Variants in CSMD1 observed in about 807,000 individuals in gnomAD.
The protein encoded by CSMD1 is CUB and sushi domain-containing protein 1.
In CSMD1, 213 loss-of-function variants were observed where a neutral mutation model predicts 417.5. That is an observed-to-expected ratio of 0.51 (90% CI 0.46 to 0.57). The LOEUF (loss-of-function observed/expected upper bound fraction) is 0.57. CSMD1 is among the 20% of genes least tolerant of loss of function. The pLI is 0.00. For missense variants in CSMD1, 6,923 were observed against 4,529.7 expected (o/e 1.53, Z -15.17); for synonymous variants, 2,862 against 1,736.8 (o/e 1.65, Z -16.11).
chr8:3,139,863 T>C (rs528452225), intron 41 of CSMD1, among the ~76,000 whole-genome samples: 53 of 151,852 alleles, frequency 3.5e-4, no homozygotes, highest in African/African-American at 1.3e-3. Context: ...GAGCATAGGA[T>C]AGATTACCGT....
intron 3 of CSMD1, among the ~76,000 whole-genome samples, chr8:4,310,348 T>C (rs1398920921): frequency 6.6e-6 from 1 of 152,176 alleles, no homozygotes; most frequent in East Asian, 1.9e-4. Context: ...TGAATGGGTA[T>C]CTTGGTCAAA....
At chr8:4,331,563 C>G (rs1287474900) in intron 3 of CSMD1, among the ~76,000 whole-genome samples, 1 of 152,136 alleles carries the variant, frequency 6.6e-6, no homozygotes, top group Non-Finnish European at 1.5e-5. Flanking sequence ...ATTAAATCCA[C>G]AGCTGGGAGA....
In CSMD1 at chr8:4,032,067, C is replaced by G; in HGVS notation, c.448G>C (p.Glu150Gln). 1 of 1,613,206 alleles carries G rather than the reference C, an allele frequency of 6.2e-7. No homozygotes were observed. Among genetic ancestry groups the G allele is most frequent in the Middle Eastern group, 1.7e-4 (1 of 6,058 alleles). The change falls in exon 4 of 70, where the codon GAA becomes CAA. Residue 150 changes from glutamate (E) to glutamine (Q), a missense_variant. Coordinates refer to ENST00000635120, the MANE Select transcript of CSMD1 (RefSeq NM_033225.6). The part of the protein sequence containing the change: ...LPSHTCGNPG[E>Q]ILKGVLHGTR... ...CCATGCAGAACTCCTTTCAGGATTT[C>G]TCCAGGATTTCCACAAGTGTGGCTA... is the stretch of plus-strand genomic sequence containing the variant.
chr8:3,006,096 G>A (rs1211310065), intron 52 of CSMD1, among the ~76,000 whole-genome samples: 20 of 150,846 alleles, frequency 1.3e-4, no homozygotes, highest in African/African-American at 2.7e-4. Context: ...AAATCAATGT[G>A]CAAAAATCAC....
intron 12 of CSMD1, among the ~76,000 whole-genome samples, chr8:3,418,716 C>G (rs1250411455): frequency 1.3e-5 from 2 of 152,140 alleles, no homozygotes; most frequent in Non-Finnish European, 2.9e-5. Flanking sequence ...ATTAACATCA[C>G]AGGACATCTC....
At chr8:4,137,059 A>G (rs1036599741) in intron 3 of CSMD1, among the ~76,000 whole-genome samples, 1 of 152,200 alleles carries the variant, frequency 6.6e-6, no homozygotes, top group Non-Finnish European at 1.5e-5. Context: ...TTCGGGCTCT[A>G]ACTTCCTTTG....
chr8:4,040,544 G>A (rs998666838), intron 3 of CSMD1, among the ~76,000 whole-genome samples: 2 of 152,188 alleles, frequency 1.3e-5, no homozygotes, highest in African/African-American at 4.8e-5. Context: ...TGATGATAAA[G>A]TGTGATTAGA....
chr8:3,003,643 G>A (rs146106707), intron 52 of CSMD1, among the ~76,000 whole-genome samples: 198 of 152,280 alleles, frequency 1.3e-3, no homozygotes, highest in Middle Eastern at 3.4e-3. Context: ...ATTAAACAAG[G>A]AATAAGACAC....
chr8:4,943,627 T>C (rs11997499), intron 1 of CSMD1, among the ~76,000 whole-genome samples: 77,865 of 151,936 alleles, frequency 0.51, 21,244 homozygotes, highest in East Asian at 0.79. Flanking sequence ...GAAAAGGGTG[T>C]GATGATTTAT....
chr8:4,420,005 C>G lies in CSMD1; in HGVS notation c.363G>C (p.Trp121Cys). 6.3e-7 allele frequency: 1 copy of G among 1,589,010 alleles called. No homozygotes were observed. The highest frequency in any genetic ancestry group is 2.3e-5 in the East Asian group (1 of 43,878). The change falls in exon 3 of 70, where the codon TGG (tryptophan) becomes TGC (cysteine). Residue 121 changes from tryptophan to cysteine, a missense_variant. Trp to Cys is a radical substitution (Grantham distance 215). Coordinates refer to ENST00000635120, the MANE Select transcript of CSMD1 (RefSeq NM_033225.6). ...CACTCACAGCGAAGTCTGTCGTGAA[C>G]CACAGAGTGAGGATAGATCCTGTAC... ...IVSTGSILTLWFTTDFAVSAQ... is the reference protein window; with the variant it reads ...IVSTGSILTLCFTTDFAVSAQ...
At chr8:4,934,763 ATAC>A (rs1807494969) in intron 1 of CSMD1, among the ~76,000 whole-genome samples, 1 of 152,118 alleles carries the variant, frequency 6.6e-6, no homozygotes, top group Non-Finnish European at 1.5e-5. Context: ...CTACCTACCT[ATAC>A]TATAGGTATC....
chr8:3,032,954 T>G (rs1379697707), intron 50 of CSMD1, among the ~76,000 whole-genome samples: 1 of 152,122 alleles, frequency 6.6e-6, no homozygotes, highest in East Asian at 1.9e-4. Context: ...ATGGTAAAAG[T>G]GCCATTAAAT....
chr8:3,785,829 T>G (rs1584995202), intron 5 of CSMD1, among the ~76,000 whole-genome samples: 1 of 152,318 alleles, frequency 6.6e-6, no homozygotes, highest in South Asian at 2.1e-4. Context: ...AGCTTCTTCC[T>G]TATTCCTGAG....
intron 3 of CSMD1, among the ~76,000 whole-genome samples, chr8:4,041,766 T>G (rs1940214349): frequency 6.6e-6 from 1 of 152,136 alleles, no homozygotes; most frequent in Non-Finnish European, 1.5e-5. Flanking sequence ...ATGGAACATG[T>G]TGTCTTGAGA....
At chr8:4,136,347 A>G (rs1221428543) in intron 3 of CSMD1, among the ~76,000 whole-genome samples, 1 of 152,208 alleles carries the variant, frequency 6.6e-6, no homozygotes, top group Non-Finnish European at 1.5e-5. Flanking sequence ...ATAATAAAAT[A>G]TTCATCGCTG....
At chr8:3,789,277 G>T (rs563182080) in intron 5 of CSMD1, among the ~76,000 whole-genome samples, 4 of 151,884 alleles carry the variant, frequency 2.6e-5, no homozygotes, top group South Asian at 2.1e-4. Flanking sequence ...CTCCTGAACT[G>T]TTGTTTTCAA....
intron 5 of CSMD1, among the ~76,000 whole-genome samples, chr8:3,889,869 C>A (rs138381523): frequency 6.6e-6 from 1 of 152,072 alleles, no homozygotes; most frequent in African/African-American, 2.4e-5. Flanking sequence ...TACCAAAGGT[C>A]AAAGGCACTG....
chr8:3,844,222 G>C (rs767926923), intron 5 of CSMD1, among the ~76,000 whole-genome samples: 11 of 152,046 alleles, frequency 7.2e-5, no homozygotes, highest in African/African-American at 9.7e-5. Flanking sequence ...AATGAGTCTG[G>C]CTTGTGGCTA....
chr8:4,036,227 T>G (rs191290940), intron 3 of CSMD1, among the ~76,000 whole-genome samples: 2 of 152,180 alleles, frequency 1.3e-5, no homozygotes, highest in Non-Finnish European at 2.9e-5. Flanking sequence ...TTTCTCAGAA[T>G]GCATCCCAGT....
Sources: gnomAD v4.1 joint callset for allele counts (sites outside exome capture counted in the v4.1 genomes callset) on GRCh38, gnomAD v4.1.1 for gene constraint, MANE v1.5 for transcripts, NCBI Gene and HGNC (gene_info 2026-07-23, HGNC 2026-07-21) for gene names.